CSNK1G1: variants seen among roughly 807,000 people sequenced by gnomAD.
CSNK1G1 encodes casein kinase I isoform gamma-1.
A neutral mutation model predicts 59.6 loss-of-function variants in CSNK1G1; 22 were observed. That is an observed-to-expected ratio of 0.37 (90% confidence interval 0.26 to 0.53). The LOEUF is 0.53. Among genes scored for constraint, CSNK1G1 ranks in the 20% least tolerant of loss-of-function variants. The pLI is 0.89. For synonymous variants in CSNK1G1, 179 were observed against 177.1 expected (o/e 1.01, Z -0.08); for missense variants, 384 against 519.5 (o/e 0.74, Z 2.54).
intron 2 of CSNK1G1, among the ~76,000 whole-genome samples, chr15:64,288,230 T>C (rs1024501755): frequency 6.6e-6 from 1 of 152,138 alleles, no homozygotes; most frequent in African/African-American, 2.4e-5. Context: ...CTCTCATAGA[T>C]TGGTTGTAAA....
At chr15:64,263,338 G>A (rs1040725303) in intron 2 of CSNK1G1, among the ~76,000 whole-genome samples, 2 of 151,740 alleles carry the variant, frequency 1.3e-5, no homozygotes, top group Non-Finnish European at 2.9e-5. Context: ...ACAGGTGCGC[G>A]CCAACATGAC....
In CSNK1G1 at chr15:64,208,438, G is replaced by A. The variant is rs544825285; in HGVS notation, c.680-844C>T. Reference sequence around the variant, plus strand: ...TAATTGGGAAGGTGAAGATGACAAAGAACTGCAAAATAGTTAACAAAAAAC... The same window carrying A: ...TAATTGGGAAGGTGAAGATGACAAAAAACTGCAAAATAGTTAACAAAAAAC... On this transcript the variant is annotated intron_variant, in intron 6 of 11. Coordinates refer to ENST00000303052, the MANE Select transcript of CSNK1G1 (RefSeq NM_022048.5). 4.6e-5 allele frequency among the ~76,000 whole-genome samples: 7 copies of A among 152,304 alleles called. No homozygotes were observed. The East Asian group carries it at 1.3e-3, about 29-fold the overall frequency.
chr15:64,201,752 T>TGTG (rs1555499653), intron 10 of CSNK1G1, among the ~76,000 whole-genome samples: 3 of 108,282 alleles, frequency 2.8e-5, no homozygotes, highest in East Asian at 6.2e-4. Context: ...GTGTGTGTGT[T>TGTG]TATATACTAT....
intron 4 of CSNK1G1, among the ~76,000 whole-genome samples, chr15:64,229,018 C>CAAAAAAAA (rs1218085247): frequency 9.3e-4 from 61 of 65,660 alleles, no homozygotes; most frequent in Middle Eastern, 9.1e-3. Context: ...GACTCTGTCT[C>CAAAAAAAA]AAAAAAAAAA....
At chr15:64,318,136 T>A (rs1406740817) in intron 1 of CSNK1G1, among the ~76,000 whole-genome samples, 3 of 151,658 alleles carry the variant, frequency 2.0e-5, no homozygotes, top group Non-Finnish European at 4.4e-5. Context: ...AAATACATAT[T>A]TATATAAAAA....
chr15:64,274,002 A>G (rs1893468933), intron 2 of CSNK1G1, among the ~76,000 whole-genome samples: 1 of 152,254 alleles, frequency 6.6e-6, no homozygotes, highest in Admixed American at 6.5e-5. Flanking sequence ...CTATTTTCAC[A>G]TGTATATAAA....
At chr15:64,221,828 G>A (rs2082392208) in intron 4 of CSNK1G1, among the ~76,000 whole-genome samples, 1 of 152,022 alleles carries the variant, frequency 6.6e-6, no homozygotes. Flanking sequence ...ACTGTTGGTA[G>A]GAATGTAAAT....
intron 2 of CSNK1G1, among the ~76,000 whole-genome samples, chr15:64,264,971 G>T: frequency 6.6e-6 from 1 of 152,102 alleles, no homozygotes; most frequent in Non-Finnish European, 1.5e-5. Context: ...ACAAGACAAG[G>T]ATGCCCACTT....
chr15:64,222,436 CCAAAAAAA>C (rs2082401840), intron 4 of CSNK1G1, among the ~76,000 whole-genome samples: 3 of 114,670 alleles, frequency 2.6e-5, no homozygotes, highest in African/African-American at 1.1e-4. Flanking sequence ...AACAACACCA[CCAAAAAAA>C]AAAAAAAAAA....
chr15:64,334,681 G>T (rs1449514484), intron 1 of CSNK1G1, among the ~76,000 whole-genome samples: 1 of 152,162 alleles, frequency 6.6e-6, no homozygotes, highest in African/African-American at 2.4e-5. Context: ...ACGCTCCTAT[G>T]AGAATCTAAT....
intron 4 of CSNK1G1, among the ~76,000 whole-genome samples, chr15:64,225,913 CACTGCTCCCGGCTT>C (rs1262153070): frequency 6.6e-6 from 1 of 152,186 alleles, no homozygotes; most frequent in Non-Finnish European, 1.5e-5. Flanking sequence ...AGGCGTGAGA[CACTGCTCCCGGCTT>C]ACCATATTCT....
intron 4 of CSNK1G1, among the ~76,000 whole-genome samples, chr15:64,236,198 A>G (rs1029882855): frequency 1.3e-5 from 2 of 151,918 alleles, no homozygotes; most frequent in Non-Finnish European, 2.9e-5. Context: ...GGAAAAGTTG[A>G]GCTAAACTTT....
Position 64,165,914 on chromosome 15 carries a change from G to A in CSNK1G1, c.*6017C>T. On this transcript the variant is annotated 3_prime_UTR_variant, in exon 12 of 12. Coordinates refer to ENST00000303052, the MANE Select transcript of CSNK1G1 (RefSeq NM_022048.5). Reference sequence around the variant, plus strand: ...CCATTTTCCATTTTCTCCAAAGAAGGCTACTTCCTCTGCAGAGAAGATTTT... The same window carrying A: ...CCATTTTCCATTTTCTCCAAAGAAGACTACTTCCTCTGCAGAGAAGATTTT... 2 of 557,352 alleles carry A rather than the reference G, an allele frequency of 3.6e-6. No homozygotes were observed. Among genetic ancestry groups the A allele is most frequent in the Non-Finnish European group, 6.3e-6 (2 of 315,030 alleles). The allele number at this position is 557,352 out of a possible 1,614,324, so 34.5% of individuals were successfully genotyped here.
intron 1 of CSNK1G1, among the ~76,000 whole-genome samples, chr15:64,314,629 C>T (rs1256392180): frequency 6.6e-6 from 1 of 150,924 alleles, no homozygotes; most frequent in Non-Finnish European, 1.5e-5. Flanking sequence ...ATGGTCTCAC[C>T]ACTTTCTCAA....
At chr15:64,306,569 A>C (rs1212708594) in intron 1 of CSNK1G1, among the ~76,000 whole-genome samples, 2 of 152,150 alleles carry the variant, frequency 1.3e-5, no homozygotes, top group Admixed American at 1.3e-4. Flanking sequence ...TTTGGAAGAA[A>C]GTTTGGCAGT....
At chr15:64,352,020 C>T (rs1157734020) in intron 1 of CSNK1G1, among the ~76,000 whole-genome samples, 3 of 152,090 alleles carry the variant, frequency 2.0e-5, no homozygotes, top group Non-Finnish European at 2.9e-5. Context: ...CGAGAAAACA[C>T]AGCAGGCCGG....
intron 2 of CSNK1G1, among the ~76,000 whole-genome samples, chr15:64,297,881 G>T (rs1331186819): frequency 6.6e-6 from 1 of 152,120 alleles, no homozygotes; most frequent in Non-Finnish European, 1.5e-5. Flanking sequence ...ATTAGAACAA[G>T]AAAATGACGG....
intron 2 of CSNK1G1, among the ~76,000 whole-genome samples, chr15:64,261,938 T>A (rs1462918058): frequency 1.8e-4 from 4 of 22,772 alleles, no homozygotes; most frequent in Non-Finnish European, 3.0e-4. Flanking sequence ...CAAGACTCCG[T>A]CTCAAAAAAA....
At chr15:64,175,514 C>G (rs2081731256) in intron 11 of CSNK1G1, among the ~76,000 whole-genome samples, 1 of 152,180 alleles carries the variant, frequency 6.6e-6, no homozygotes, top group African/African-American at 2.4e-5. Context: ...CCTCACCACA[C>G]ATGGATTCTT....
Sources: gnomAD v4.1 joint callset for allele counts (sites outside exome capture counted in the v4.1 genomes callset) on GRCh38, gnomAD v4.1.1 for gene constraint, MANE v1.5 for transcripts, NCBI Gene and HGNC (gene_info 2026-07-23, HGNC 2026-07-21) for gene names.